PRKG1: variants seen among roughly 807,000 people sequenced by gnomAD.
PRKG1 encodes the protein protein kinase cGMP-dependent 1.
In PRKG1, 35 loss-of-function variants were observed where a neutral mutation model predicts 88.1. The ratio of observed to expected loss-of-function variants is 0.40; its 90% confidence interval spans 0.30 to 0.53. PRKG1 has a LOEUF of 0.53. Among genes scored for constraint, PRKG1 ranks in the 20% least tolerant of loss-of-function variants. PRKG1 has a pLI of 0.59. For synonymous variants in PRKG1, 303 were observed against 292.5 expected (o/e 1.04, Z -0.37); for missense variants, 540 against 839.8 (o/e 0.64, Z 4.41).
At chr10:51,995,385 G>A (rs1844413943) in intron 5 of PRKG1, among the ~76,000 whole-genome samples, 3 of 152,120 alleles carry the variant, frequency 2.0e-5, no homozygotes. Context: ...TACCTTTTCT[G>A]AATGATCTGG....
chr10:52,155,732 G>GACACACACACACACACAC (rs146109771), intron 8 of PRKG1, among the ~76,000 whole-genome samples: 314 of 147,884 alleles, frequency 2.1e-3, no homozygotes, highest in East Asian at 8.3e-3. Flanking sequence ...ATTGCCATTG[G>GACACACACACACACACAC]ACACACACAC....
chr10:51,121,135 A>G (rs879540737), intron 1 of PRKG1, among the ~76,000 whole-genome samples: 1 of 152,128 alleles, frequency 6.6e-6, no homozygotes, highest in Non-Finnish European at 1.5e-5. Context: ...CTCACTTACA[A>G]GTATCGTGGT....
chr10:51,564,229 A>C (rs1398978044), intron 3 of PRKG1, among the ~76,000 whole-genome samples: 1 of 151,958 alleles, frequency 6.6e-6, no homozygotes, highest in Non-Finnish European at 1.5e-5. Flanking sequence ...AAAACAAAAC[A>C]AAACAAAAAA....
intron 9 of PRKG1, among the ~76,000 whole-genome samples, chr10:52,217,352 C>CTATATATATA (rs76704412): frequency 6.7e-6 from 1 of 149,950 alleles, no homozygotes; most frequent in Non-Finnish European, 1.5e-5. Flanking sequence ...ATCTATCTAT[C>CTATATATATA]TATATATATA....
intron 2 of PRKG1, among the ~76,000 whole-genome samples, chr10:51,420,733 G>T (rs1838387355): frequency 6.6e-6 from 1 of 152,150 alleles, no homozygotes; most frequent in Non-Finnish European, 1.5e-5. Flanking sequence ...CCTGAGACTG[G>T]GTAATTTGTT....
intron 5 of PRKG1, among the ~76,000 whole-genome samples, chr10:52,035,193 C>A (rs943826215): frequency 3.9e-5 from 6 of 152,014 alleles, no homozygotes; most frequent in African/African-American, 1.2e-4. Flanking sequence ...GTAGGAAAGG[C>A]CTCTACCTAT....
intron 4 of PRKG1, among the ~76,000 whole-genome samples, chr10:51,830,315 C>A (rs960476264): frequency 2.0e-5 from 3 of 152,112 alleles, no homozygotes; most frequent in Admixed American, 1.3e-4. Flanking sequence ...CTAATTTTAA[C>A]AGGGCTACTT....
chr10:51,618,778 T>C (rs1235514946), intron 3 of PRKG1, among the ~76,000 whole-genome samples: 1 of 151,956 alleles, frequency 6.6e-6, no homozygotes, highest in East Asian at 1.9e-4. Flanking sequence ...TATTTATTTA[T>C]TTATTTTTGA....
chr10:51,062,545 T>A (rs1843704004), intron 1 of PRKG1: 1 of 152,184 alleles, frequency 6.6e-6, no homozygotes, highest in African/African-American at 2.4e-5. Flanking sequence ...AGTAAACGAA[T>A]CTTCCATCAT....
intron 3 of PRKG1, among the ~76,000 whole-genome samples, chr10:51,744,012 T>G (rs1055293173): frequency 1.3e-5 from 2 of 151,734 alleles, no homozygotes; most frequent in Non-Finnish European, 2.9e-5. Flanking sequence ...CTTAATACCT[T>G]TATTGTCCTT....
intron 2 of PRKG1, among the ~76,000 whole-genome samples, chr10:51,246,021 A>G (rs561172391): frequency 6.6e-6 from 1 of 152,210 alleles, no homozygotes; most frequent in Non-Finnish European, 1.5e-5. Flanking sequence ...GAGACAGTAC[A>G]TTGGTATCAG....
intron 2 of PRKG1, among the ~76,000 whole-genome samples, chr10:51,182,884 C>T (rs1158456034): frequency 6.6e-6 from 1 of 152,110 alleles, no homozygotes; most frequent in Non-Finnish European, 1.5e-5. Flanking sequence ...TTGTTTTATC[C>T]TTGCTCCTGG....
chr10:51,508,855 A>G (rs968247995), intron 3 of PRKG1, among the ~76,000 whole-genome samples: 4 of 152,202 alleles, frequency 2.6e-5, no homozygotes, highest in African/African-American at 7.2e-5. Flanking sequence ...GGGGGAAATG[A>G]GTTGTTTTTA....
intron 3 of PRKG1, chr10:51,697,471 T>C (rs1841326181): frequency 5.5e-6 from 3 of 547,632 alleles, no homozygotes; most frequent in Non-Finnish European, 9.6e-6. Flanking sequence ...ATGTTCAGAG[T>C]TATTTTAAAG....
chr10:51,742,404 G>A (rs975535124), intron 3 of PRKG1, among the ~76,000 whole-genome samples: 3 of 152,130 alleles, frequency 2.0e-5, no homozygotes, highest in Non-Finnish European at 2.9e-5. Context: ...TTGGTTTGCC[G>A]CTTAATAGCC....
chr10:51,953,626 G>T (rs562147906), intron 5 of PRKG1, among the ~76,000 whole-genome samples: 3 of 152,270 alleles, frequency 2.0e-5, no homozygotes, highest in African/African-American at 7.2e-5. Flanking sequence ...CTACCACAGT[G>T]CCTGGCAGTG....
intron 2 of PRKG1, among the ~76,000 whole-genome samples, chr10:51,167,663 G>A (rs530318716): frequency 6.6e-6 from 1 of 152,268 alleles, no homozygotes; most frequent in East Asian, 1.9e-4. Flanking sequence ...TGTGGGAGAT[G>A]AAAGAAATGT....
intron 3 of PRKG1, among the ~76,000 whole-genome samples, chr10:51,680,139 C>T (rs1840814173): frequency 1.3e-5 from 2 of 152,172 alleles, no homozygotes; most frequent in Non-Finnish European, 2.9e-5. Context: ...TAGCCGCAGG[C>T]CAATTCACCT....
At chr10:51,278,453 A>G (rs1033425971) in intron 2 of PRKG1, among the ~76,000 whole-genome samples, 1 of 152,112 alleles carries the variant, frequency 6.6e-6, no homozygotes, top group Non-Finnish European at 1.5e-5. Flanking sequence ...TGGTATTAGG[A>G]TGATGCTGGC....
Sources: allele counts gnomAD v4.1 joint callset (sites outside exome capture counted in the v4.1 genomes callset), GRCh38; gene constraint gnomAD v4.1.1; transcripts MANE v1.5; gene names NCBI Gene and HGNC (gene_info 2026-07-23, HGNC 2026-07-21).